SPAG16: variants seen among roughly 807,000 people sequenced by gnomAD.
SPAG16 encodes the protein sperm-associated antigen 16 protein.
In SPAG16, 86 loss-of-function variants were observed where a neutral mutation model predicts 80.4. That is an observed-to-expected ratio of 1.07 (90% CI 0.90 to 1.28). The LOEUF (loss-of-function observed/expected upper bound fraction) is 1.28, where lower values mean the gene tolerates loss of function less well. SPAG16 is among the 50% of genes most tolerant of loss of function. The pLI, the probability that SPAG16 is intolerant of heterozygous loss-of-function variation, is 0.00. For missense variants in SPAG16, 870 were observed against 765.3 expected (o/e 1.14, Z -1.61); for synonymous variants, 294 against 265.9 (o/e 1.11, Z -1.03).
At chr2:213,912,242 T>C (rs1202662210) in intron 11 of SPAG16, among the ~76,000 whole-genome samples, 5 of 152,168 alleles carry the variant, frequency 3.3e-5, no homozygotes, top group African/African-American at 9.6e-5. Context: ...AGAAATGATA[T>C]CAATATACAT....
At chr2:213,986,293 T>C (rs1234487072) in intron 12 of SPAG16, among the ~76,000 whole-genome samples, 2 of 152,086 alleles carry the variant, frequency 1.3e-5, no homozygotes, top group Non-Finnish European at 2.9e-5. Flanking sequence ...CCCATGAGTA[T>C]GTAAGATTGG....
chr2:213,678,011 AATGACTACTGGG>A (rs2064180801), intron 10 of SPAG16, among the ~76,000 whole-genome samples: 2 of 152,066 alleles, frequency 1.3e-5, no homozygotes, highest in African/African-American at 4.8e-5. Flanking sequence ...CCTGCTCCTG[AATGACTACTGGG>A]TACATAACGA....
Position 213,480,151 on chromosome 2 carries a change from A to G in SPAG16, c.943-9812A>G, listed in dbSNP as rs138758088. Among the ~76,000 whole-genome samples, 1,441 of 152,332 alleles carry G rather than the reference A, an allele frequency of 9.5e-3. 10 individuals are homozygous for G. Among genetic ancestry groups the G allele is most frequent in the Non-Finnish European group, 0.012 (832 of 68,028 alleles). ...TCTTGAGTAGCTAATAGTAGAAGTT[A>G]GTTATTTTACTGTGGAATTTTATTA... On this transcript the variant is annotated intron_variant, in intron 9 of 15. Transcript: ENST00000331683.
intron 1 of SPAG16, among the ~76,000 whole-genome samples, chr2:213,292,692 A>AAAAAAAC (rs142889153): frequency 7.4e-6 from 1 of 135,832 alleles, no homozygotes; most frequent in Non-Finnish European, 1.6e-5. Flanking sequence ...AAACAAAAAA[A>AAAAAAAC]AACAAAACTA....
intron 5 of SPAG16, among the ~76,000 whole-genome samples, chr2:213,320,748 C>CT (rs1222535607): frequency 2.6e-5 from 4 of 151,918 alleles, no homozygotes; most frequent in Admixed American, 6.6e-5. Context: ...GGATTTCATT[C>CT]TTTTTTTAAA....
chr2:213,907,659 A>G (rs1035575637), intron 11 of SPAG16, among the ~76,000 whole-genome samples: 1 of 152,176 alleles, frequency 6.6e-6, no homozygotes, highest in African/African-American at 2.4e-5. Context: ...AAGAAAATGT[A>G]TATATACACA....
chr2:214,123,125 A>T (rs1011257517), intron 14 of SPAG16, among the ~76,000 whole-genome samples: 1 of 151,978 alleles, frequency 6.6e-6, no homozygotes, highest in Non-Finnish European at 1.5e-5. Flanking sequence ...CCATTAAAAA[A>T]ATTAATTAGA....
Position 213,573,447 on chromosome 2 carries a change from C to A in SPAG16, c.1070+83357C>A, listed in dbSNP as rs1576025787. On this transcript the variant is annotated intron_variant, in intron 10 of 15. Coordinates refer to ENST00000331683, the MANE Select transcript of SPAG16 (RefSeq NM_024532.5). ...AAACTTTCACCAAAATTGCATTAAT[C>A]TGTACATGATGGGTACATGTGATTG... 2.6e-5 allele frequency among the ~76,000 whole-genome samples: 4 copies of A among 152,296 alleles called. No individual in the cohort carries two copies. In the South Asian group the frequency reaches 8.3e-4, roughly 32 times the overall value.
At chr2:214,021,377 C>G (rs1296605045) in intron 13 of SPAG16, among the ~76,000 whole-genome samples, 5 of 152,082 alleles carry the variant, frequency 3.3e-5, no homozygotes, top group Admixed American at 2.6e-4. Flanking sequence ...GCTGAGGAGG[C>G]CTCACAATCA....
At chr2:213,315,861 A>G (rs1277558926) in intron 4 of SPAG16, among the ~76,000 whole-genome samples, 1 of 151,516 alleles carries the variant, frequency 6.6e-6, no homozygotes, top group African/African-American at 2.4e-5. Context: ...CCACTATTTC[A>G]CGGGCCTCTC....
At chr2:214,407,232 T>C (rs1702043412) in intron 15 of SPAG16, among the ~76,000 whole-genome samples, 1 of 152,080 alleles carries the variant, frequency 6.6e-6, no homozygotes, top group Non-Finnish European at 1.5e-5. Context: ...ATGTGTGTAT[T>C]CATAAATTGT....
At chr2:213,512,517 C>G (rs1256627557) in intron 10 of SPAG16, among the ~76,000 whole-genome samples, 1 of 152,148 alleles carries the variant, frequency 6.6e-6, no homozygotes, top group Non-Finnish European at 1.5e-5. Context: ...ATTCACATCA[C>G]ATAGCATAAA....
chr2:213,304,811 C>A (rs906116512), intron 3 of SPAG16, among the ~76,000 whole-genome samples: 1 of 152,050 alleles, frequency 6.6e-6, no homozygotes, highest in Non-Finnish European at 1.5e-5. Flanking sequence ...TAATGTGATT[C>A]GTGCAGTTTC....
At chr2:213,638,102 AT>A (rs1226200777) in intron 10 of SPAG16, among the ~76,000 whole-genome samples, 79 of 151,970 alleles carry the variant, frequency 5.2e-4, no homozygotes, top group African/African-American at 1.4e-3. Flanking sequence ...CTCCCATTTC[AT>A]TTCTGATTGA....
At chr2:214,006,031 A>C (rs1376236499) in intron 12 of SPAG16, among the ~76,000 whole-genome samples, 2 of 152,202 alleles carry the variant, frequency 1.3e-5, no homozygotes, top group Admixed American at 6.5e-5. Context: ...AATTATATAA[A>C]TGCTATTTAA....
chr2:214,110,976 GA>G (rs1046128274), intron 14 of SPAG16, among the ~76,000 whole-genome samples: 1 of 151,894 alleles, frequency 6.6e-6, no homozygotes, highest in African/African-American at 2.4e-5. Context: ...TTTTTGATGG[GA>G]TTTTTTTTTT....
intron 12 of SPAG16, among the ~76,000 whole-genome samples, chr2:213,945,005 T>A (rs1428141184): frequency 1.3e-5 from 2 of 152,038 alleles, no homozygotes; most frequent in Non-Finnish European, 2.9e-5. Flanking sequence ...GCCATTGCCC[T>A]CCAGCCTAGG....
At chr2:214,240,691 G>T (rs1234172534) in intron 15 of SPAG16, 1 of 151,834 alleles carries the variant, frequency 6.6e-6, no homozygotes. Flanking sequence ...GTAGAAATTG[G>T]CCCATTATGC....
At chr2:213,841,221 G>A (rs1207587315) in intron 10 of SPAG16, among the ~76,000 whole-genome samples, 2 of 152,164 alleles carry the variant, frequency 1.3e-5, no homozygotes. Context: ...ATAGTCATGA[G>A]CATGAGAGTA....
Sources: gnomAD v4.1 joint callset for allele counts (sites outside exome capture counted in the v4.1 genomes callset) on GRCh38, gnomAD v4.1.1 for gene constraint, MANE v1.5 for transcripts, NCBI Gene and HGNC (gene_info 2026-07-23, HGNC 2026-07-21) for gene names.